Variants in HTR7 observed in about 807,000 individuals in gnomAD.
The protein encoded by HTR7 is 5-hydroxytryptamine receptor 7.
A neutral mutation model predicts 34.0 loss-of-function variants in HTR7; 16 were observed. The ratio of observed to expected loss-of-function variants is 0.47; its 90% confidence interval spans 0.32 to 0.71. HTR7 has a LOEUF of 0.71. HTR7 is among the 30% of genes least tolerant of loss of function. HTR7 has a pLI of 0.04. For synonymous variants in HTR7, 265 were observed against 260.2 expected, an observed-to-expected ratio of 1.02 and a Z score of -0.18; for missense variants, 504 against 625.5, an observed-to-expected ratio of 0.81 and a Z score of 2.07.
chr10:90,798,892 C>T (rs112903433), intron 1 of HTR7, among the ~76,000 whole-genome samples: 5,409 of 152,238 alleles, frequency 0.036, 120 homozygotes, highest in Middle Eastern at 0.095. Context: ...CAAAACAAAC[C>T]GCCTTCTTGC....
intron 1 of HTR7, among the ~76,000 whole-genome samples, chr10:90,751,901 C>T (rs752831834): frequency 9.9e-5 from 15 of 151,954 alleles, no homozygotes; most frequent in Non-Finnish European, 1.8e-4. Flanking sequence ...AAGATTAATC[C>T]GGAGAGATTA....
chr10:90,801,799 C>A (rs1446785139), intron 1 of HTR7, among the ~76,000 whole-genome samples: 1 of 152,152 alleles, frequency 6.6e-6, no homozygotes, highest in Non-Finnish European at 1.5e-5. Context: ...CTTGTGCAAT[C>A]TGATTGAACA....
intron 1 of HTR7, among the ~76,000 whole-genome samples, chr10:90,777,210 T>G (rs1845230455): frequency 6.6e-6 from 1 of 151,888 alleles, no homozygotes; most frequent in East Asian, 1.9e-4. Context: ...AGGCCGGGCG[T>G]GGTGGCTCAC....
At chr10:90,744,212 G>T (rs1183343750) in intron 2 of HTR7, among the ~76,000 whole-genome samples, 1 of 150,418 alleles carries the variant, frequency 6.6e-6, no homozygotes, top group Non-Finnish European at 1.5e-5. Flanking sequence ...GGGGAGCAAA[G>T]GGTTCTGATT....
At chr10:90,804,063 T>A (rs1174650171) in intron 1 of HTR7, among the ~76,000 whole-genome samples, 1 of 152,168 alleles carries the variant, frequency 6.6e-6, no homozygotes, top group Non-Finnish European at 1.5e-5. Flanking sequence ...AGCAACTGAA[T>A]GTTGAGATGA....
chr10:90,778,235 C>G (rs79806003), intron 1 of HTR7, among the ~76,000 whole-genome samples: 3,791 of 152,202 alleles, frequency 0.025, 157 homozygotes, highest in African/African-American at 0.082. Flanking sequence ...TTGAAAGGTC[C>G]GGCCTTTAAG....
intron 1 of HTR7, among the ~76,000 whole-genome samples, chr10:90,826,516 A>G (rs558009597): frequency 9.1e-6 from 1 of 110,338 alleles, no homozygotes; most frequent in South Asian, 2.9e-4. Flanking sequence ...TAAAAGATGA[A>G]CTGATAAAAA....
chr10:90,834,611 C>T (rs1846227146), intron 1 of HTR7, among the ~76,000 whole-genome samples: 3 of 152,136 alleles, frequency 2.0e-5, no homozygotes, highest in African/African-American at 4.8e-5. Flanking sequence ...TCTATAATAA[C>T]TTCATTCATT....
At chr10:90,799,035 T>A (rs1314455659) in intron 1 of HTR7, among the ~76,000 whole-genome samples, 1 of 152,210 alleles carries the variant, frequency 6.6e-6, no homozygotes, top group African/African-American at 2.4e-5. Context: ...ACATCACTAT[T>A]GTAAAACCTA....
chr10:90,776,584 ATACCT>A (rs1411819566), intron 1 of HTR7, among the ~76,000 whole-genome samples: 3 of 152,242 alleles, frequency 2.0e-5, no homozygotes, highest in Non-Finnish European at 2.9e-5. Flanking sequence ...CCTAAACTTC[ATACCT>A]CACATGTCAC....
At chr10:90,794,659 C>T (rs1209136089) in intron 1 of HTR7, among the ~76,000 whole-genome samples, 1 of 152,030 alleles carries the variant, frequency 6.6e-6, no homozygotes, top group Non-Finnish European at 1.5e-5. Context: ...CACCACCACA[C>T]CTGGCTATTT....
chr10:90,812,852 G>C (rs78265420), intron 1 of HTR7, among the ~76,000 whole-genome samples: 11,611 of 152,230 alleles, frequency 0.076, 607 homozygotes, highest in Non-Finnish European at 0.098. Context: ...CATCCCCTGT[G>C]ACTTGCACAT....
At chr10:90,753,978 A>G (rs1246247153) in intron 1 of HTR7, among the ~76,000 whole-genome samples, 2 of 152,090 alleles carry the variant, frequency 1.3e-5, no homozygotes, top group African/African-American at 4.8e-5. Flanking sequence ...TATCAATAGT[A>G]GTTTTACCTG....
At chr10:90,809,696 C>A (rs569149948) in intron 1 of HTR7, among the ~76,000 whole-genome samples, 1 of 152,348 alleles carries the variant, frequency 6.6e-6, no homozygotes, top group South Asian at 2.1e-4. Context: ...CAGGAGCTTG[C>A]TACAAGTGCC....
intron 1 of HTR7, among the ~76,000 whole-genome samples, chr10:90,782,116 C>G (rs1845313941): frequency 6.6e-6 from 1 of 152,178 alleles, no homozygotes; most frequent in South Asian, 2.1e-4. Context: ...TGATACCACC[C>G]TAGCAGAGTT....
chr10:90,809,044 C>A (rs1015208653), intron 1 of HTR7, among the ~76,000 whole-genome samples: 1 of 152,154 alleles, frequency 6.6e-6, no homozygotes, highest in African/African-American at 2.4e-5. Flanking sequence ...TCCCCTCAGT[C>A]CCAACCCCAA....
chr10:90,803,986 C>T (rs1845667033), intron 1 of HTR7, among the ~76,000 whole-genome samples: 1 of 152,028 alleles, frequency 6.6e-6, no homozygotes, highest in African/African-American at 2.4e-5. Context: ...AACCTATAAC[C>T]ATAAAAACCC....
At chr10:90,821,440 A>T (rs1329048138) in intron 1 of HTR7, among the ~76,000 whole-genome samples, 2 of 152,204 alleles carry the variant, frequency 1.3e-5, no homozygotes, top group Non-Finnish European at 2.9e-5. Flanking sequence ...GAGCATTTAA[A>T]CCAACCCTAG....
chr10:90,803,227 G>T (rs545653980), intron 1 of HTR7, among the ~76,000 whole-genome samples: 1 of 152,194 alleles, frequency 6.6e-6, no homozygotes, highest in East Asian at 1.9e-4. Context: ...AGAGGGCCAA[G>T]CAGGTGACTT....
Sources: gnomAD v4.1 joint callset for allele counts (sites outside exome capture counted in the v4.1 genomes callset) on GRCh38, gnomAD v4.1.1 for gene constraint, MANE v1.5 for transcripts, NCBI Gene and HGNC (gene_info 2026-07-23, HGNC 2026-07-21) for gene names.